EEFSEC: variants seen among roughly 807,000 people sequenced by gnomAD.
EEFSEC encodes the protein eukaryotic elongation factor, selenocysteine-tRNA specific.
A neutral mutation model predicts 42.1 loss-of-function variants in EEFSEC; 43 were observed. That is an observed-to-expected ratio of 1.02 (90% confidence interval 0.80 to 1.32). EEFSEC has a LOEUF of 1.32. EEFSEC is among the 40% of genes most tolerant of loss of function. The probability of loss-of-function intolerance (pLI) is 0.00; values close to 1 mark genes in which losing one functional copy is unlikely to be tolerated. For missense variants in EEFSEC, 745 were observed against 803.6 expected (o/e 0.93, Z 0.88); for synonymous variants, 354 against 339.1 (o/e 1.04, Z -0.48).
chr3:128,397,638 C>T (rs1414927735), intron 6 of EEFSEC, among the ~76,000 whole-genome samples: 1 of 152,266 alleles, frequency 6.6e-6, no homozygotes, highest in African/African-American at 2.4e-5. Flanking sequence ...CCGCCCAGGG[C>T]CAGCCAGAAG....
intron 5 of EEFSEC, among the ~76,000 whole-genome samples, chr3:128,355,095 G>A (rs2067435692): frequency 6.6e-6 from 1 of 152,226 alleles, no homozygotes; most frequent in Admixed American, 6.5e-5. Context: ...GATGCCATGT[G>A]TGGGACTAGT....
chr3:128,193,355 C>T (rs1244984571), intron 1 of EEFSEC, among the ~76,000 whole-genome samples: 1 of 152,200 alleles, frequency 6.6e-6, no homozygotes, highest in Non-Finnish European at 1.5e-5. Flanking sequence ...CAGCAGGGTG[C>T]ATCTGAGAGG....
chr3:128,222,825 A>T (rs971506098), intron 1 of EEFSEC, among the ~76,000 whole-genome samples: 2 of 152,212 alleles, frequency 1.3e-5, no homozygotes, highest in Non-Finnish European at 2.9e-5. Flanking sequence ...TATCATAAAG[A>T]ATTTGTCTGG....
At chr3:128,166,136 C>A (rs2065240702) in intron 1 of EEFSEC, among the ~76,000 whole-genome samples, 1 of 152,238 alleles carries the variant, frequency 6.6e-6, no homozygotes, top group Non-Finnish European at 1.5e-5. Context: ...TTCTTCGGCA[C>A]TTGCTGTCTG....
chr3:128,337,515 A>C (rs1217202655), intron 4 of EEFSEC, among the ~76,000 whole-genome samples: 1 of 152,162 alleles, frequency 6.6e-6, no homozygotes, highest in Non-Finnish European at 1.5e-5. Context: ...TCATAAACAC[A>C]AGGATCTCGC....
chr3:128,350,207 G>A (rs1241156478), intron 5 of EEFSEC, among the ~76,000 whole-genome samples: 1 of 152,226 alleles, frequency 6.6e-6, no homozygotes, highest in Non-Finnish European at 1.5e-5. Context: ...CTTGTTAAAT[G>A]TGCCCAGGGC....
chr3:128,225,490 T>A (rs910335153), intron 1 of EEFSEC, among the ~76,000 whole-genome samples: 2 of 152,278 alleles, frequency 1.3e-5, no homozygotes, highest in African/African-American at 2.4e-5. Flanking sequence ...TTGACCTCTC[T>A]GACTGAGTTT....
At chr3:128,379,600 C>T (rs141611154) in intron 6 of EEFSEC, among the ~76,000 whole-genome samples, 81 of 152,346 alleles carry the variant, frequency 5.3e-4, no homozygotes, top group African/African-American at 1.9e-3. Flanking sequence ...CCATGTCACA[C>T]AGGGCGGTGC....
Position 128,341,256 on chromosome 3 carries a change from GCAGATGTTC to G in EEFSEC, c.813_821del (p.Gln271_Phe273del), listed in dbSNP as rs1576652876. The G allele has an allele frequency of 6.2e-7, 1 of 1,611,976 alleles. No homozygotes were observed. Among genetic ancestry groups the G allele is most frequent in the African/African-American group, 1.3e-5 (1 of 75,014 alleles). On this transcript the variant is annotated inframe_deletion, in exon 5 of 7. Transcript: ENST00000254730. ...AGGTGGTGAAGAAGGTGAAGTCCAT[GCAGATGTTC>G]CACATGCCCATCACTTCAGCCATGC...
At chr3:128,238,428 G>A (rs1559881726) in intron 1 of EEFSEC, among the ~76,000 whole-genome samples, 1 of 152,294 alleles carries the variant, frequency 6.6e-6, no homozygotes, top group Admixed American at 6.5e-5. Flanking sequence ...AGATCCTCAG[G>A]CATCTTTAAG....
intron 4 of EEFSEC, among the ~76,000 whole-genome samples, chr3:128,340,291 C>G (rs898370352): frequency 6.6e-6 from 1 of 152,084 alleles, no homozygotes; most frequent in Non-Finnish European, 1.5e-5. Flanking sequence ...CAGGCCTTCT[C>G]TATCACATCA....
In EEFSEC at chr3:128,307,169, C is replaced by G. The variant is rs537162858; in HGVS notation, c.787-34064C>G. Among the ~76,000 whole-genome samples the G allele has an allele frequency of 9.8e-5, 15 of 152,382 alleles. No individual in the cohort carries two copies. The South Asian group carries it at 3.1e-3, about 32-fold the overall frequency. ...ACATGGGGCCTTGCCTGCCCCTGCC[C>G]TCTCCAAGCTTTTCCCAAGGCTGGC... On this transcript the variant is annotated intron_variant, in intron 4 of 6. Coordinates refer to ENST00000254730, the MANE Select transcript of EEFSEC (RefSeq NM_021937.5).
chr3:128,183,969 G>C (rs2065438348), intron 1 of EEFSEC, among the ~76,000 whole-genome samples: 1 of 152,114 alleles, frequency 6.6e-6, no homozygotes, highest in African/African-American at 2.4e-5. Flanking sequence ...ACCACCAGCA[G>C]GAACAGCAGT....
chr3:128,204,080 C>T (rs1055412132), intron 1 of EEFSEC, among the ~76,000 whole-genome samples: 1 of 152,184 alleles, frequency 6.6e-6, no homozygotes, highest in Non-Finnish European at 1.5e-5. Flanking sequence ...CCTTTGTAAA[C>T]AGTGGTTAAC....
intron 1 of EEFSEC, among the ~76,000 whole-genome samples, chr3:128,183,123 G>A (rs1312951367): frequency 3.3e-5 from 5 of 152,128 alleles, no homozygotes; most frequent in Non-Finnish European, 7.4e-5. Context: ...GGCTTACCAT[G>A]AGTAAAAATG....
chr3:128,417,014 G>T, the EEFSEC span, among the ~76,000 whole-genome samples: 1 of 152,030 alleles, frequency 6.6e-6, no homozygotes, highest in Non-Finnish European at 1.5e-5. The surrounding 1 kb of genome is among the most constrained non-coding windows in gnomAD (Gnocchi z 4.3). Flanking sequence ...TCCCAGCAGG[G>T]TTCCTGACCA....
At chr3:128,199,946 C>G (rs2065626194) in intron 1 of EEFSEC, among the ~76,000 whole-genome samples, 1 of 152,194 alleles carries the variant, frequency 6.6e-6, no homozygotes, top group South Asian at 2.1e-4. Context: ...TTTGGCCAGG[C>G]TGGCCTTGAA....
chr3:128,281,035 C>T (rs1325957884), intron 4 of EEFSEC, among the ~76,000 whole-genome samples: 2 of 152,228 alleles, frequency 1.3e-5, no homozygotes, highest in Admixed American at 6.5e-5. Context: ...TTACCCCCTC[C>T]GCTTCAGCCT....
intron 4 of EEFSEC, among the ~76,000 whole-genome samples, chr3:128,294,106 T>A (rs1364732748): frequency 3.9e-5 from 6 of 152,178 alleles, no homozygotes; most frequent in African/African-American, 1.4e-4. Flanking sequence ...GAGCCAGCAC[T>A]TCTGTAGACT....
Sources: allele counts gnomAD v4.1 joint callset (sites outside exome capture counted in the v4.1 genomes callset), GRCh38; gene constraint gnomAD v4.1.1; non-coding constraint Gnocchi (gnomAD v3.1); transcripts MANE v1.5; gene names NCBI Gene and HGNC (gene_info 2026-07-23, HGNC 2026-07-21).